Variants in MACROD2 observed in about 807,000 individuals in gnomAD.
MACROD2 encodes the protein mono-ADP ribosylhydrolase 2.
In MACROD2, 36 loss-of-function variants were observed where a neutral mutation model predicts 70.4. The observed-to-expected ratio is 0.51, with a 90% confidence interval of 0.39 to 0.68. The LOEUF (loss-of-function observed/expected upper bound fraction) is 0.68, where lower values mean the gene tolerates loss of function less well. Ranked by LOEUF, MACROD2 falls within the 30% of genes least tolerant of loss-of-function variation. MACROD2 has a pLI of 0.00. For missense variants in MACROD2, 496 were observed against 538.4 expected (o/e 0.92, Z 0.78); for synonymous variants, 172 against 178.8 (o/e 0.96, Z 0.30).
chr20:15,371,389 A>G (rs1017816879), intron 6 of MACROD2, among the ~76,000 whole-genome samples: 3 of 152,170 alleles, frequency 2.0e-5, no homozygotes, highest in African/African-American at 7.2e-5. Context: ...TAACTGCTTT[A>G]TCCAGAATAA....
At chr20:14,489,153 G>A (rs879419950) in intron 3 of MACROD2, among the ~76,000 whole-genome samples, 9 of 152,274 alleles carry the variant, frequency 5.9e-5, no homozygotes, top group Admixed American at 3.9e-4. Context: ...ATGTGAATCC[G>A]TTAAGCCTAT....
At chr20:15,785,639 G>C (rs1011146841) in intron 8 of MACROD2, among the ~76,000 whole-genome samples, 15 of 152,156 alleles carry the variant, frequency 9.9e-5, no homozygotes, top group African/African-American at 3.6e-4. Flanking sequence ...GTCAAGGAGT[G>C]TCAGATTGAA....
intron 8 of MACROD2, among the ~76,000 whole-genome samples, chr20:15,636,071 C>CAAAAAAAAAAAAAAAAAAAA (rs1178846767): frequency 3.6e-5 from 1 of 27,960 alleles, no homozygotes; most frequent in African/African-American, 9.8e-5. Flanking sequence ...GGCTCCCTCT[C>CAAAAAAAAAAAAAAAAAAAA]AAAAGAAAAA....
intron 3 of MACROD2, among the ~76,000 whole-genome samples, chr20:14,174,050 G>A (rs1396765546): frequency 6.6e-6 from 1 of 152,152 alleles, no homozygotes; most frequent in African/African-American, 2.4e-5. Context: ...GACTCTGTGA[G>A]GGTCCTTGGT....
At chr20:15,080,140 AAAT>A (rs869033383) in intron 5 of MACROD2, among the ~76,000 whole-genome samples, 3 of 141,444 alleles carry the variant, frequency 2.1e-5, no homozygotes, top group Non-Finnish European at 4.9e-5. Context: ...ATAAATAAAT[AAAT>A]AAATAAATAA....
intron 4 of MACROD2, among the ~76,000 whole-genome samples, chr20:14,515,460 C>CACACACACAG (rs1301562952): frequency 2.2e-5 from 2 of 89,090 alleles, no homozygotes; most frequent in Non-Finnish European, 4.7e-5. Flanking sequence ...GAGATACACA[C>CACACACACAG]ACACGCACAC....
At chr20:14,388,073 G>A (rs537529256) in intron 3 of MACROD2, among the ~76,000 whole-genome samples, 17 of 148,208 alleles carry the variant, frequency 1.1e-4, no homozygotes, top group African/African-American at 4.2e-4. Flanking sequence ...GCAGTGGCAT[G>A]ATCTTGGCTC....
intron 12 of MACROD2, among the ~76,000 whole-genome samples, chr20:15,952,943 C>T (rs536571714): frequency 3.3e-5 from 5 of 152,246 alleles, no homozygotes; most frequent in African/African-American, 1.2e-4. Flanking sequence ...TGAGAAGAGA[C>T]TTTTCGAAAA....
At chr20:15,014,773 G>T (rs2075108750) in intron 5 of MACROD2, among the ~76,000 whole-genome samples, 1 of 152,018 alleles carries the variant, frequency 6.6e-6, no homozygotes, top group Non-Finnish European at 1.5e-5. Context: ...AGCTACCTCA[G>T]TACTGTTATA....
intron 5 of MACROD2, among the ~76,000 whole-genome samples, chr20:15,120,273 TGTGTGTGC>T (rs2076020764): frequency 2.0e-5 from 1 of 50,324 alleles, no homozygotes; most frequent in Non-Finnish European, 3.1e-5. Flanking sequence ...TGTGTGTGTG[TGTGTGTGC>T]ATTCATGCAT....
At chr20:15,045,594 A>G (rs957106279) in intron 5 of MACROD2, among the ~76,000 whole-genome samples, 1 of 152,016 alleles carries the variant, frequency 6.6e-6, no homozygotes, top group Admixed American at 6.6e-5. Flanking sequence ...TTACAAATAT[A>G]TGGTGTTTGT....
rs148821730 is a variant in MACROD2 at position 14,870,798 on chromosome 20, G to A, written c.418+185839G>A. ...GCCCACTTTTTAATGGGGTTGTTTCGTTTATTTCTTGTAAATGTATTTAAG... is the reference window on the plus strand; with the variant it reads ...GCCCACTTTTTAATGGGGTTGTTTCATTTATTTCTTGTAAATGTATTTAAG... On this transcript the variant is annotated intron_variant, in intron 5 of 17. Coordinates refer to ENST00000684519, the MANE Select transcript of MACROD2 (RefSeq NM_001351661.2). Among the ~76,000 whole-genome samples, 149 of 151,814 alleles carry A rather than the reference G, an allele frequency of 9.8e-4. 1 individual carries two copies. The highest frequency in any genetic ancestry group is 6.8e-3 in the Middle Eastern group (2 of 294).
intron 4 of MACROD2, among the ~76,000 whole-genome samples, chr20:14,505,996 T>G (rs2123135199): frequency 6.6e-6 from 1 of 152,310 alleles, no homozygotes; most frequent in South Asian, 2.1e-4. Flanking sequence ...GCAACCTTGC[T>G]CCCACCCTCT....
At chr20:14,177,276 A>G (rs953476874) in intron 3 of MACROD2, among the ~76,000 whole-genome samples, 20 of 151,466 alleles carry the variant, frequency 1.3e-4, no homozygotes, top group African/African-American at 4.8e-4. Flanking sequence ...CAGACATTAA[A>G]ACCTAGTAAA....
chr20:15,095,064 C>CTTTTTTTTTTT (rs373794823), intron 5 of MACROD2, among the ~76,000 whole-genome samples: 6 of 89,218 alleles, frequency 6.7e-5, no homozygotes, highest in Non-Finnish European at 1.5e-4. Context: ...GTCTCCTCTT[C>CTTTTTTTTTTT]TTTTTTTTTT....
chr20:14,277,641 T>C (rs2082271054), intron 3 of MACROD2, among the ~76,000 whole-genome samples: 1 of 152,206 alleles, frequency 6.6e-6, no homozygotes, highest in South Asian at 2.1e-4. Context: ...TTTTATTTAT[T>C]CATTCATTTA....
chr20:14,581,406 A>T (rs371801339), intron 4 of MACROD2, among the ~76,000 whole-genome samples: 36 of 152,302 alleles, frequency 2.4e-4, no homozygotes, highest in African/African-American at 7.5e-4. Context: ...ACAACCACTG[A>T]TTTAACCACT....
At chr20:14,969,832 G>A (rs1346686672) in intron 5 of MACROD2, among the ~76,000 whole-genome samples, 3 of 152,014 alleles carry the variant, frequency 2.0e-5, no homozygotes, top group East Asian at 1.9e-4. Context: ...TTTATTCACT[G>A]GAAGCATAGA....
intron 6 of MACROD2, among the ~76,000 whole-genome samples, chr20:15,389,594 GTGAATATTT>G (rs1178217662): frequency 6.6e-6 from 1 of 152,194 alleles, no homozygotes; most frequent in Admixed American, 6.5e-5. Context: ...ATAGAAAAGT[GTGAATATTT>G]TTACTAATTA....
Sources: gnomAD v4.1 joint callset for allele counts (sites outside exome capture counted in the v4.1 genomes callset) on GRCh38, gnomAD v4.1.1 for gene constraint, MANE v1.5 for transcripts, NCBI Gene and HGNC (gene_info 2026-07-23, HGNC 2026-07-21) for gene names.